TPRG1: variants seen among roughly 807,000 people sequenced by gnomAD.
The protein encoded by TPRG1 is tumor protein p63-regulated gene 1 protein.
In TPRG1, 29 loss-of-function variants were observed where a neutral mutation model predicts 29.3. The ratio of observed to expected loss-of-function variants is 0.99; its 90% CI spans 0.74 to 1.35. The LOEUF is 1.35. TPRG1 is among the 40% of genes most tolerant of loss of function. The pLI is 0.00. For missense variants in TPRG1, 327 were observed against 335.0 expected, an observed-to-expected ratio of 0.98 and a Z score of 0.19; for synonymous variants, 130 against 116.8, an observed-to-expected ratio of 1.11 and a Z score of -0.73.
At chr3:189,043,444 C>T (rs1714761267) in intron 4 of TPRG1, among the ~76,000 whole-genome samples, 1 of 152,192 alleles carries the variant, frequency 6.6e-6, no homozygotes, top group Non-Finnish European at 1.5e-5. Context: ...ACACAAATGA[C>T]AAGGTTGGAC....
chr3:189,317,821 G>GT (rs1485370516), intron 5 of TPRG1, among the ~76,000 whole-genome samples: 1 of 152,168 alleles, frequency 6.6e-6, no homozygotes, highest in Non-Finnish European at 1.5e-5. Context: ...GTTTAGCTAA[G>GT]TTTAAAGTGC....
chr3:189,136,562 A>G lies in TPRG1; in HGVS notation c.-291+3865A>G, dbSNP rs550730584. Among the ~76,000 whole-genome samples, 43 of 152,364 alleles carry G rather than the reference A, an allele frequency of 2.8e-4. 2 individuals carry two copies. The South Asian group carries it at 8.7e-3, about 31-fold the overall frequency. On this transcript the variant is annotated intron_variant, in intron 3 of 6. Transcript: ENST00000412373. ...TTGCTAAAGACTCCTGGCTTCAATT[A>G]ACAAAAAATGTCTCTGCTAACTGGA... is the stretch of plus-strand genomic sequence containing the variant.
At chr3:189,074,237 G>A (rs1188941464) in intron 4 of TPRG1, among the ~76,000 whole-genome samples, 2 of 122,946 alleles carry the variant, frequency 1.6e-5, no homozygotes, top group African/African-American at 3.2e-5. Context: ...GTGGAGTCTC[G>A]CTCTGTCACC....
At chr3:189,007,980 T>C (rs1399901015) in intron 3 of TPRG1, among the ~76,000 whole-genome samples, 1 of 148,222 alleles carries the variant, frequency 6.7e-6, no homozygotes, top group Non-Finnish European at 1.5e-5. Context: ...CGCACCAGCA[T>C]GGCACATGTA....
intron 4 of TPRG1, among the ~76,000 whole-genome samples, chr3:189,250,726 G>T (rs1332982387): frequency 7.0e-6 from 1 of 142,354 alleles, no homozygotes; most frequent in African/African-American, 2.7e-5. Flanking sequence ...CCTGGACAGA[G>T]TCTGAGCAAA....
intron 5 of TPRG1, among the ~76,000 whole-genome samples, chr3:189,160,050 G>T: frequency 6.6e-6 from 1 of 152,084 alleles, no homozygotes. Context: ...ATGGTGTGTG[G>T]GTGGTCGGGG....
chr3:189,040,414 G>T (rs542132621), intron 4 of TPRG1, among the ~76,000 whole-genome samples: 1 of 152,214 alleles, frequency 6.6e-6, no homozygotes, highest in South Asian at 2.1e-4. Flanking sequence ...TGTTTCCCTG[G>T]TAGTTTCATC....
intron 4 of TPRG1, among the ~76,000 whole-genome samples, chr3:189,261,884 C>T (rs574680230): frequency 1.2e-4 from 18 of 152,090 alleles, no homozygotes; most frequent in Non-Finnish European, 2.4e-4. Context: ...GTGAAGTCTC[C>T]CAGTTGTCTG....
chr3:189,214,928 CAT>C (rs754067929), intron 2 of TPRG1, among the ~76,000 whole-genome samples: 21 of 144,208 alleles, frequency 1.5e-4, no homozygotes, highest in South Asian at 2.4e-4. Flanking sequence ...TTTTTATTGA[CAT>C]GTGCTCTAGG....
At chr3:189,090,345 A>G (rs1718256537) in intron 4 of TPRG1, among the ~76,000 whole-genome samples, 1 of 152,142 alleles carries the variant, frequency 6.6e-6, no homozygotes, top group Non-Finnish European at 1.5e-5. Flanking sequence ...TAAGATCAGA[A>G]TCTCTGATCT....
intron 1 of TPRG1, among the ~76,000 whole-genome samples, chr3:189,184,864 G>A (rs1730707579): frequency 6.6e-6 from 1 of 152,202 alleles, no homozygotes; most frequent in Non-Finnish European, 1.5e-5. Flanking sequence ...AGCAGTGGGG[G>A]TGAGATTCGC....
At chr3:189,081,200 A>G (rs565130612) in intron 4 of TPRG1, among the ~76,000 whole-genome samples, 59 of 152,294 alleles carry the variant, frequency 3.9e-4, no homozygotes, top group African/African-American at 1.4e-3. Context: ...GTTTGAAAAG[A>G]TAGATGTGGT....
At chr3:189,251,118 GT>G (rs1254263135) in intron 4 of TPRG1, among the ~76,000 whole-genome samples, 5 of 147,166 alleles carry the variant, frequency 3.4e-5, no homozygotes, top group African/African-American at 7.6e-5. Context: ...CAGTTGTTTT[GT>G]TTTTTTGTCC....
upstream of TPRG1, among the ~76,000 whole-genome samples, chr3:189,167,300 T>C (rs1344049590): frequency 6.6e-6 from 1 of 152,156 alleles, no homozygotes; most frequent in African/African-American, 2.4e-5. Flanking sequence ...GGTGATGGGG[T>C]GGAGACTGTG....
At chr3:189,196,547 C>T (rs1732558607) in intron 1 of TPRG1, among the ~76,000 whole-genome samples, 3 of 152,052 alleles carry the variant, frequency 2.0e-5, no homozygotes, top group Admixed American at 2.0e-4. Flanking sequence ...AGGGAAACTC[C>T]CCTTTATAAA....
chr3:189,035,903 A>G (rs1482483956), intron 4 of TPRG1, among the ~76,000 whole-genome samples: 2 of 152,206 alleles, frequency 1.3e-5, no homozygotes, highest in Non-Finnish European at 2.9e-5. Context: ...CATTCTACCC[A>G]GCAATCCCCT....
In TPRG1 at chr3:189,078,057, T is replaced by TC. The variant is rs1553899921; in HGVS notation, c.-462-49000_-462-48999insC. 8.8e-3 allele frequency among the ~76,000 whole-genome samples: 1,263 copies of TC among 143,180 alleles called. 18 individuals are homozygous for TC. Among genetic ancestry groups the TC allele is most frequent in the African/African-American group, 0.034 (1,186 of 34,796 alleles). The allele number at this position is 143,180 out of a possible 152,430, so 93.9% of individuals were successfully genotyped here. On this transcript the variant is annotated intron_variant, in intron 4 of 10. Transcript: ENST00000433971. ...CTTCCTTCCTTCCTTCCTTCCTTCC[T>TC]TCCTTTCTCTCCTTTCTCTCTTTCT...
intron 4 of TPRG1, among the ~76,000 whole-genome samples, chr3:189,276,830 C>G (rs1686982437): frequency 6.6e-6 from 1 of 151,996 alleles, no homozygotes; most frequent in Admixed American, 6.6e-5. Flanking sequence ...GGGAAGAGAC[C>G]AAGAGAGGCA....
At chr3:189,044,778 GA>G (rs1257180083) in intron 4 of TPRG1, among the ~76,000 whole-genome samples, 1 of 152,140 alleles carries the variant, frequency 6.6e-6, no homozygotes, top group Non-Finnish European at 1.5e-5. Context: ...TTGAATGACA[GA>G]ATTTTTGGAC....
Sources: gnomAD v4.1 joint callset for allele counts (sites outside exome capture counted in the v4.1 genomes callset) on GRCh38, gnomAD v4.1.1 for gene constraint, MANE v1.5 for transcripts, NCBI Gene and HGNC (gene_info 2026-07-23, HGNC 2026-07-21) for gene names.